The following MAGI2 variants were observed in gnomAD, a reference collection of about 807,000 sequenced individuals.
MAGI2 encodes membrane associated guanylate kinase, WW and PDZ domain containing 2.
Under a neutral mutation model 133.3 loss-of-function variants are expected in MAGI2, and 35 were observed. The observed-to-expected ratio is 0.26, with a 90% CI of 0.20 to 0.35. The LOEUF (loss-of-function observed/expected upper bound fraction) is 0.35, where lower values mean the gene tolerates loss of function less well. MAGI2 is among the 10% of genes least tolerant of loss of function. The pLI is 1.00. For synonymous variants in MAGI2, 729 were observed against 710.6 expected (o/e 1.03, Z -0.41); for missense variants, 1,636 against 1,863.4 (o/e 0.88, Z 2.25).
chr7:78,660,222 G>A (rs959416759), intron 2 of MAGI2, among the ~76,000 whole-genome samples: 21 of 151,924 alleles, frequency 1.4e-4, no homozygotes, highest in Admixed American at 1.2e-3. Context: ...GTATACATAT[G>A]TAACAAACCT....
chr7:79,449,005 A>G (rs1437829153), intron 1 of MAGI2, among the ~76,000 whole-genome samples: 1 of 152,156 alleles, frequency 6.6e-6, no homozygotes, highest in Non-Finnish European at 1.5e-5. Context: ...ATGGTACTTT[A>G]TTTCTAAAAT....
At chr7:78,653,647 T>G (rs1343805937) in intron 2 of MAGI2, among the ~76,000 whole-genome samples, 4 of 151,426 alleles carry the variant, frequency 2.6e-5, no homozygotes, top group East Asian at 1.9e-4. Context: ...GTTTGGGGGC[T>G]AGGGGAGGGA....
At chr7:79,312,101 G>T (rs748812877) in intron 1 of MAGI2, among the ~76,000 whole-genome samples, 2 of 152,126 alleles carry the variant, frequency 1.3e-5, no homozygotes, top group Non-Finnish European at 2.9e-5. Flanking sequence ...ATCTCACTCA[G>T]AGTAAAAGCC....
At chr7:79,286,168 G>A (rs891992442) in intron 1 of MAGI2, among the ~76,000 whole-genome samples, 1 of 152,024 alleles carries the variant, frequency 6.6e-6, no homozygotes, top group African/African-American at 2.4e-5. Flanking sequence ...GGAAGTGTGT[G>A]AGGTTTCTTC....
intron 6 of MAGI2, among the ~76,000 whole-genome samples, chr7:78,431,736 C>T (rs17150729): frequency 0.046 from 7,038 of 152,060 alleles, 253 homozygotes; most frequent in African/African-American, 0.097. Context: ...AGTATGTTCT[C>T]ATAGCTTAAA....
intron 1 of MAGI2, among the ~76,000 whole-genome samples, chr7:79,202,472 T>G (rs1406090221): frequency 6.6e-6 from 1 of 151,986 alleles, no homozygotes; most frequent in Non-Finnish European, 1.5e-5. Flanking sequence ...ATAAGGTATA[T>G]AACTGAAAAG....
intron 8 of MAGI2, among the ~76,000 whole-genome samples, chr7:78,344,590 A>T (rs1283653258): frequency 1.3e-5 from 2 of 152,244 alleles, no homozygotes; most frequent in South Asian, 2.1e-4. Context: ...ACACTGCTCT[A>T]TTGTGAGATA....
chr7:78,306,101 T>C (rs1280831214), intron 9 of MAGI2, among the ~76,000 whole-genome samples: 4 of 152,210 alleles, frequency 2.6e-5, no homozygotes, highest in African/African-American at 9.6e-5. Context: ...CCTGTGTTTG[T>C]TGAACTGAGC....
intron 2 of MAGI2, among the ~76,000 whole-genome samples, chr7:78,698,538 G>A (rs566641099): frequency 2.0e-5 from 3 of 152,224 alleles, no homozygotes; most frequent in African/African-American, 4.8e-5. Flanking sequence ...GTGTCGGTAC[G>A]TTTAAGAAAA....
chr7:78,338,248 G>A (rs546466589), intron 9 of MAGI2, among the ~76,000 whole-genome samples: 3 of 152,096 alleles, frequency 2.0e-5, no homozygotes, highest in East Asian at 1.9e-4. Flanking sequence ...TAATGTACAC[G>A]GTGGCGGCGT....
intron 1 of MAGI2, among the ~76,000 whole-genome samples, chr7:79,084,930 C>T (rs992942498): frequency 1.3e-5 from 2 of 151,826 alleles, no homozygotes; most frequent in East Asian, 1.9e-4. Flanking sequence ...CGATAAGACT[C>T]ATCTGTTGAT....
intron 6 of MAGI2, among the ~76,000 whole-genome samples, chr7:78,425,871 C>G (rs908499119): frequency 6.6e-6 from 1 of 152,168 alleles, no homozygotes; most frequent in African/African-American, 2.4e-5. Context: ...CAATAATCTG[C>G]TAGTAATTTA....
chr7:78,817,582 T>G (rs1209400), intron 2 of MAGI2, among the ~76,000 whole-genome samples: 3 of 152,048 alleles, frequency 2.0e-5, no homozygotes, highest in Admixed American at 1.3e-4. Flanking sequence ...AGAACCCCCA[T>G]TGGCAACCAG....
At position 78,135,157 on chromosome 7, in the gene MAGI2, G is replaced by A. The variant is rs2150537675; in HGVS notation, c.2895C>T (p.Arg965=). The A allele has an allele frequency of 6.2e-7, 1 of 1,614,156 alleles. No homozygotes were observed. The highest frequency in any genetic ancestry group is 1.1e-5 in the South Asian group (1 of 91,076). ...GGTCTCCCACTTTTAGTTTTGCACAGCGATCTGCAGGACTCCCATCAATGA... is the reference window on the plus strand; with the variant it reads ...GGTCTCCCACTTTTAGTTTTGCACAACGATCTGCAGGACTCCCATCAATGA... ...GRIIDGSPAD[R]CAKLKVGDRI... is the part of the protein sequence containing the mutation. Residue 965 remains arginine (R), a synonymous_variant, in exon 17 of 22, where the codon CGC becomes CGT. Coordinates refer to ENST00000354212, the MANE Select transcript of MAGI2 (RefSeq NM_012301.4).
intron 1 of MAGI2, among the ~76,000 whole-genome samples, chr7:79,262,760 C>A (rs1429907922): frequency 6.6e-6 from 1 of 152,118 alleles, no homozygotes; most frequent in African/African-American, 2.4e-5. Context: ...GCACACAGTG[C>A]GGTGCTAGAA....
At chr7:78,552,132 G>A (rs1294815323) in intron 3 of MAGI2, among the ~76,000 whole-genome samples, 1 of 146,034 alleles carries the variant, frequency 6.8e-6, no homozygotes, top group South Asian at 2.2e-4. Flanking sequence ...CAAACATAAG[G>A]TATTTTTAAA....
intron 1 of MAGI2, among the ~76,000 whole-genome samples, chr7:79,395,923 T>C (rs1174031619): frequency 1.3e-5 from 2 of 152,170 alleles, no homozygotes; most frequent in African/African-American, 2.4e-5. Flanking sequence ...AACATGAATA[T>C]ATAGATATTG....
chr7:78,341,558 A>C (rs1355316914), intron 9 of MAGI2, among the ~76,000 whole-genome samples: 2 of 152,214 alleles, frequency 1.3e-5, no homozygotes, highest in Non-Finnish European at 2.9e-5. Context: ...CCTTCCAACT[A>C]TACTATAAGG....
intron 11 of MAGI2, among the ~76,000 whole-genome samples, chr7:78,196,106 A>T (rs1828707354): frequency 6.6e-6 from 1 of 152,008 alleles, no homozygotes; most frequent in Non-Finnish European, 1.5e-5. Context: ...CCGAGGACCC[A>T]CCCAGTTCTC....
Sources: allele counts gnomAD v4.1 joint callset (sites outside exome capture counted in the v4.1 genomes callset), GRCh38; gene constraint gnomAD v4.1.1; transcripts MANE v1.5; gene names NCBI Gene and HGNC (gene_info 2026-07-23, HGNC 2026-07-21).